Variants in DGKI observed in about 807,000 individuals in gnomAD.
DGKI encodes diacylglycerol kinase iota.
A neutral mutation model predicts 147.5 loss-of-function variants in DGKI; 55 were observed. The observed-to-expected ratio is 0.37, with a 90% CI of 0.30 to 0.47. The LOEUF (loss-of-function observed/expected upper bound fraction) is 0.47. DGKI is among the 20% of genes least tolerant of loss of function. The pLI is 1.00. For missense variants in DGKI, 1,007 were observed against 1,323.8 expected (o/e 0.76, Z 3.71); for synonymous variants, 469 against 477.1 (o/e 0.98, Z 0.22).
At chr7:137,613,938 G>A (rs757584703) in intron 8 of DGKI, among the ~76,000 whole-genome samples, 9 of 152,182 alleles carry the variant, frequency 5.9e-5, no homozygotes, top group African/African-American at 1.7e-4. Flanking sequence ...GCATGTAAAC[G>A]CACAGTAAAA....
At chr7:137,654,644 T>C (rs1822154205) in intron 5 of DGKI, 88 bp downstream of exon 5, 1 of 991,238 alleles carries the variant, frequency 1.0e-6, no homozygotes, top group South Asian at 1.4e-5. Flanking sequence ...ATAGAATTTA[T>C]TTTTTATTCC....
chr7:137,483,509 T>C (rs966906009), intron 23 of DGKI, among the ~76,000 whole-genome samples: 5 of 152,242 alleles, frequency 3.3e-5, no homozygotes, highest in South Asian at 4.1e-4. Context: ...TAGGTAAACA[T>C]GTGCCATGGT....
intron 20 of DGKI, among the ~76,000 whole-genome samples, chr7:137,542,986 T>C (rs1389314111): frequency 2.0e-5 from 3 of 152,134 alleles, no homozygotes; most frequent in Non-Finnish European, 4.4e-5. Context: ...ATGAAAGCAA[T>C]GAATAAATTA....
intron 21 of DGKI, among the ~76,000 whole-genome samples, chr7:137,519,473 T>C (rs773584760): frequency 6.6e-6 from 1 of 152,090 alleles, no homozygotes; most frequent in Non-Finnish European, 1.5e-5. Context: ...AGGTCAGTCA[T>C]TGATGACAAT....
At chr7:137,467,513 A>G (rs760919958) in intron 24 of DGKI, among the ~76,000 whole-genome samples, 1 of 152,224 alleles carries the variant, frequency 6.6e-6, no homozygotes, top group Non-Finnish European at 1.5e-5. Context: ...TTGAAGATTC[A>G]GGCCAGAGAC....
intron 18 of DGKI, among the ~76,000 whole-genome samples, chr7:137,572,457 T>C (rs1455098201): frequency 6.6e-6 from 1 of 152,060 alleles, no homozygotes; most frequent in Non-Finnish European, 1.5e-5. Context: ...CATTCTTAGA[T>C]GGGGAGGAAG....
At chr7:137,566,111 T>A (rs2128973463) in intron 19 of DGKI, among the ~76,000 whole-genome samples, 1 of 152,246 alleles carries the variant, frequency 6.6e-6, no homozygotes, top group Admixed American at 6.5e-5. Context: ...ACTACACACA[T>A]ATAAATTTCT....
At chr7:137,499,663 A>C (rs1222841818) in intron 21 of DGKI, among the ~76,000 whole-genome samples, 1 of 152,100 alleles carries the variant, frequency 6.6e-6, no homozygotes, top group Non-Finnish European at 1.5e-5. Context: ...CCTGCACTCC[A>C]GTTATCAGGC....
chr7:137,425,763 G>A (rs891889099), intron 28 of DGKI, among the ~76,000 whole-genome samples: 34 of 152,294 alleles, frequency 2.2e-4, no homozygotes, highest in Middle Eastern at 6.8e-3. Context: ...CAGAAGCCTC[G>A]GGAGCCGATG....
At chr7:137,614,277 G>A (rs1820459703) in intron 8 of DGKI, among the ~76,000 whole-genome samples, 1 of 152,062 alleles carries the variant, frequency 6.6e-6, no homozygotes, top group South Asian at 2.1e-4. Context: ...AAATTTAGGG[G>A]ACCAAGTACA....
chr7:137,620,695 A>G (rs1013984304), intron 7 of DGKI, among the ~76,000 whole-genome samples: 2 of 152,232 alleles, frequency 1.3e-5, no homozygotes, highest in Admixed American at 1.3e-4. Flanking sequence ...CCACAGTATT[A>G]GGGTCTTAAC....
intron 21 of DGKI, among the ~76,000 whole-genome samples, chr7:137,499,540 AG>A (rs989561355): frequency 3.3e-5 from 5 of 152,132 alleles, no homozygotes; most frequent in African/African-American, 1.2e-4. Flanking sequence ...TAGAACAAAA[AG>A]GTGGAATAAA....
At chr7:137,723,600 T>C (rs1794629978) in intron 1 of DGKI, among the ~76,000 whole-genome samples, 1 of 149,062 alleles carries the variant, frequency 6.7e-6, no homozygotes, top group Non-Finnish European at 1.5e-5. Context: ...AACAAACAAA[T>C]ACACTCTTAG....
At chr7:137,741,238 A>T (rs1287184186) in intron 1 of DGKI, among the ~76,000 whole-genome samples, 1 of 152,154 alleles carries the variant, frequency 6.6e-6, no homozygotes, top group Non-Finnish European at 1.5e-5. Flanking sequence ...AATTAGTAAA[A>T]GATAATAAGA....
chr7:137,433,299 A>T (rs1245198255), intron 28 of DGKI, among the ~76,000 whole-genome samples: 2 of 152,208 alleles, frequency 1.3e-5, no homozygotes, highest in Non-Finnish European at 2.9e-5. Flanking sequence ...GAATCAAATG[A>T]AACAGTGACA....
In DGKI at chr7:137,463,668, G is replaced by A. The variant is rs149679112; in HGVS notation, c.2613-57C>T. 403 of 1,585,992 alleles carry A rather than the reference G, an allele frequency of 2.5e-4. 1 individual carries two copies. The African/African-American group carries it at 4.7e-3, about 19-fold the overall frequency. Reference sequence around the variant, plus strand: ...CATTCAAAGTCAGCCACGTGACTTCGTTTCCACTTTCTGAAGATGAATCTT... The same window carrying A: ...CATTCAAAGTCAGCCACGTGACTTCATTTCCACTTTCTGAAGATGAATCTT... On this transcript the variant is annotated intron_variant, in intron 26 of 32. Transcript: ENST00000614521.
At chr7:137,793,167 G>T (rs1011586552) in intron 1 of DGKI, among the ~76,000 whole-genome samples, 1 of 152,050 alleles carries the variant, frequency 6.6e-6, no homozygotes, top group Non-Finnish European at 1.5e-5. Flanking sequence ...AAGGAGCAAC[G>T]TTCGTTCCTC....
intron 21 of DGKI, among the ~76,000 whole-genome samples, chr7:137,512,534 C>G (rs1316240769): frequency 6.6e-6 from 1 of 152,126 alleles, no homozygotes; most frequent in Non-Finnish European, 1.5e-5. Flanking sequence ...ACCAAATGGA[C>G]TAGGCTGGTC....
chr7:137,628,924 T>C (rs1206682556), intron 6 of DGKI, among the ~76,000 whole-genome samples: 3 of 152,234 alleles, frequency 2.0e-5, no homozygotes, highest in Non-Finnish European at 4.4e-5. Flanking sequence ...ATAAGCTGAA[T>C]TTATTTCATT....
Sources: gnomAD v4.1 joint callset for allele counts (sites outside exome capture counted in the v4.1 genomes callset) on GRCh38, gnomAD v4.1.1 for gene constraint, MANE v1.5 for transcripts, NCBI Gene and HGNC (gene_info 2026-07-23, HGNC 2026-07-21) for gene names.